Variants in GAB2 observed in about 807,000 individuals in gnomAD.
GAB2 encodes the protein GRB2-associated-binding protein 2.
In GAB2, 26 loss-of-function variants were observed where a neutral mutation model predicts 65.5. The observed-to-expected ratio is 0.40, with a 90% CI of 0.29 to 0.55. The LOEUF (loss-of-function observed/expected upper bound fraction) is 0.55. GAB2 is among the 20% of genes least tolerant of loss of function. The probability of loss-of-function intolerance (pLI) is 0.53; values close to 1 mark genes in which losing one functional copy is unlikely to be tolerated. For synonymous variants in GAB2, 321 were observed against 329.6 expected, an observed-to-expected ratio of 0.97 and a Z score of 0.28; for missense variants, 884 against 875.8, an observed-to-expected ratio of 1.01 and a Z score of -0.12.
chr11:78,250,513 T>A, intron 2 of GAB2, 113 bp from the exon 3 acceptor site: 1 of 921,220 alleles, frequency 1.1e-6, no homozygotes, highest in Non-Finnish European at 1.7e-6. Context: ...AATCCAGCAC[T>A]AGCATTCTCT....
intron 1 of GAB2, among the ~76,000 whole-genome samples, chr11:78,346,678 T>C (rs1331936532): frequency 4.3e-3 from 39 of 8,988 alleles, no homozygotes; most frequent in African/African-American, 7.7e-3. Flanking sequence ...CCCCTCCATA[T>C]ATATATATAT....
chr11:78,245,780 T>C (rs1865277190), intron 3 of GAB2, among the ~76,000 whole-genome samples: 1 of 152,232 alleles, frequency 6.6e-6, no homozygotes, highest in Non-Finnish European at 1.5e-5. Flanking sequence ...TAGTACCATC[T>C]TGCTTCAGCC....
intron 1 of GAB2, among the ~76,000 whole-genome samples, chr11:78,372,633 C>A (rs1446545374): frequency 6.6e-6 from 1 of 152,094 alleles, no homozygotes; most frequent in Non-Finnish European, 1.5e-5. Flanking sequence ...TGAATAAACC[C>A]CAGCAATCTA....
chr11:78,312,326 T>C (rs1554987426), intron 1 of GAB2, among the ~76,000 whole-genome samples: 2 of 151,162 alleles, frequency 1.3e-5, no homozygotes, highest in African/African-American at 2.4e-5. Flanking sequence ...AAAAACAAAA[T>C]ACAGTTACTT....
intron 2 of GAB2, among the ~76,000 whole-genome samples, chr11:78,267,857 C>CAAAAAAAAAAAA (rs751533828): frequency 3.0e-4 from 10 of 32,800 alleles, no homozygotes; most frequent in African/African-American, 5.8e-4. Context: ...GACTCCGTCT[C>CAAAAAAAAAAAA]AAAAAAAAAA....
chr11:78,294,404 G>C (rs980160699), intron 1 of GAB2, among the ~76,000 whole-genome samples: 11 of 152,226 alleles, frequency 7.2e-5, no homozygotes, highest in Admixed American at 7.2e-4. Context: ...ATAGTAGCAT[G>C]ATTTATAATC....
At chr11:78,280,127 A>C (rs1866292045) in intron 2 of GAB2, among the ~76,000 whole-genome samples, 1 of 152,236 alleles carries the variant, frequency 6.6e-6, no homozygotes, top group Admixed American at 6.5e-5. Flanking sequence ...ACATAAATGA[A>C]CACTGAATCG....
chr11:78,252,073 T>C (rs1436884825), intron 2 of GAB2, among the ~76,000 whole-genome samples: 1 of 152,236 alleles, frequency 6.6e-6, no homozygotes. Flanking sequence ...TCTAAGGTTA[T>C]TCAACTCATG....
chr11:78,300,684 G>GTTTTTTTTTTTTT (rs1491587604), intron 1 of GAB2, among the ~76,000 whole-genome samples: 1 of 134,028 alleles, frequency 7.5e-6, no homozygotes, highest in African/African-American at 3.0e-5. Context: ...TTTTTTTTTT[G>GTTTTTTTTTTTTT]GTTTTTTTTT....
Position 78,223,658 on chromosome 11 carries a change from C to T in GAB2, c.1321G>A (p.Gly441Ser), listed in dbSNP as rs762649611. 6.2e-7 allele frequency: 1 copy of T among 1,601,394 alleles called. No homozygotes were observed. The highest frequency in any genetic ancestry group is 1.7e-5 in the Admixed American group (1 of 57,920). The change falls in exon 6 of 10, where the codon GGC (glycine) becomes AGC (serine). Residue 441 changes from glycine to serine, a missense_variant. By Grantham distance (56) the Gly-to-Ser change is moderately conservative. Coordinates refer to ENST00000361507, the MANE Select transcript of GAB2 (RefSeq NM_080491.3). ...TCAGAATTGGTGCTGTCCGATCGGC[C>T]CACAATCATTTTCCCTGGCTAGGGA... is the stretch of plus-strand genomic sequence containing the variant. ...GSFLPGKMIV[G>S]RSDSTNSEDN... is the part of the protein sequence containing the mutation.
intron 1 of GAB2, among the ~76,000 whole-genome samples, chr11:78,305,754 T>C (rs115214360): frequency 0.015 from 2,305 of 152,354 alleles, 64 homozygotes; most frequent in African/African-American, 0.052. Flanking sequence ...TGAGACATCC[T>C]GACCCTGAGG....
rs1173691673 is a variant in GAB2, at chr11:78,227,048, A to C, written c.624T>G (p.Ser208Arg). The part of the protein sequence containing the change: ...CISRRAENAR[S>R]ASFSQGTRAS... ...CTCTGGTGCCCTGAGAGAAGCTGGCACTCCTAAAAGAGAAAGAAGGGAAAG... is the reference window on the plus strand; with the variant it reads ...CTCTGGTGCCCTGAGAGAAGCTGGCCCTCCTAAAAGAGAAAGAAGGGAAAG... Residue 208 changes from serine (S) to arginine (R), a missense_variant, in exon 4 of 10, where the codon AGT becomes AGG. Physicochemically the swap from Ser to Arg is moderately radical, Grantham distance 110. Coordinates refer to ENST00000361507, the MANE Select transcript of GAB2 (RefSeq NM_080491.3). 6.2e-7 allele frequency: 1 copy of C among 1,603,242 alleles called. No individual in the cohort carries two copies. The highest frequency in any genetic ancestry group is 8.5e-7 in the Non-Finnish European group (1 of 1,174,210).
intron 1 of GAB2, among the ~76,000 whole-genome samples, chr11:78,401,358 C>CT (rs1856969884): frequency 6.6e-6 from 1 of 152,232 alleles, no homozygotes; most frequent in Admixed American, 6.5e-5. Context: ...AATTTGACTA[C>CT]TCTAGTACCT....
intron 1 of GAB2, among the ~76,000 whole-genome samples, chr11:78,390,422 C>CA (rs2135063268): frequency 6.6e-6 from 1 of 151,986 alleles, no homozygotes; most frequent in Non-Finnish European, 1.5e-5. Flanking sequence ...CCCGTATCTA[C>CA]AAAAAAGAAA....
intron 1 of GAB2, among the ~76,000 whole-genome samples, chr11:78,331,562 A>C (rs1268780992): frequency 2.0e-5 from 3 of 152,122 alleles, no homozygotes; most frequent in African/African-American, 7.2e-5. Context: ...CTCCATTCTT[A>C]AGGGATAACA....
intron 1 of GAB2, among the ~76,000 whole-genome samples, chr11:78,336,096 T>A (rs1471985932): frequency 6.6e-6 from 1 of 151,964 alleles, no homozygotes; most frequent in African/African-American, 2.4e-5. Context: ...GGCGGATCAC[T>A]GGAAGCCAGG....
chr11:78,384,214 A>G (rs1856736621), intron 1 of GAB2, among the ~76,000 whole-genome samples: 1 of 152,200 alleles, frequency 6.6e-6, no homozygotes, highest in Non-Finnish European at 1.5e-5. Context: ...GCAAATGATA[A>G]TGAGAGAGCT....
At chr11:78,291,547 ACT>A (rs1866674461) in intron 1 of GAB2, among the ~76,000 whole-genome samples, 1 of 86,754 alleles carries the variant, frequency 1.2e-5, no homozygotes, top group African/African-American at 4.8e-5. Context: ...TGAGAGACTT[ACT>A]TTTTTCTTTT....
Position 78,417,588 on chromosome 11 carries a change from C to A in GAB2, c.75+58G>T, listed in dbSNP as rs1286394039. 120 of 969,780 alleles carry A rather than the reference C, an allele frequency of 1.2e-4. No homozygotes were observed. The African/African-American group carries it at 1.7e-3, about 14-fold the overall frequency. The allele number at this position is 969,780 out of a possible 1,614,324, so 60.1% of individuals were successfully genotyped here. A position where few individuals can be genotyped will look rare whatever the true frequency, so the allele number is the denominator to read the frequency against. On this transcript the variant is annotated intron_variant, in intron 1 of 9. Transcript: ENST00000361507. ...GCCGCCCCTCCGGGAGTCCCCCGCC[C>A]CTCCGCAGGCCCCGGAGCGCCCCCC... is the stretch of plus-strand genomic sequence containing the variant.
Sources: gnomAD v4.1 joint callset for allele counts (sites outside exome capture counted in the v4.1 genomes callset) on GRCh38, gnomAD v4.1.1 for gene constraint, MANE v1.5 for transcripts, NCBI Gene and HGNC (gene_info 2026-07-23, HGNC 2026-07-21) for gene names.